Variants in SLC30A8 observed in about 807,000 individuals in gnomAD.
SLC30A8 encodes the protein proton-coupled zinc antiporter SLC30A8.
A neutral mutation model predicts 36.9 loss-of-function variants in SLC30A8; 27 were observed. That is an observed-to-expected ratio of 0.73 (90% CI 0.54 to 1.01). The LOEUF is 1.01. Among genes scored for constraint, SLC30A8 ranks in the 50% least tolerant of loss-of-function variants. The probability of loss-of-function intolerance (pLI) is 0.00; values close to 1 mark genes in which losing one functional copy is unlikely to be tolerated. For synonymous variants in SLC30A8, 164 were observed against 172.4 expected (o/e 0.95, Z 0.38); for missense variants, 439 against 452.0 (o/e 0.97, Z 0.26).
intron 2 of SLC30A8, among the ~76,000 whole-genome samples, chr8:117,149,310 GA>G (rs1822056717): frequency 6.6e-6 from 1 of 152,122 alleles, no homozygotes; most frequent in Non-Finnish European, 1.5e-5. Context: ...AGAGAAACAT[GA>G]TATGATCTTT....
intron 1 of SLC30A8, among the ~76,000 whole-genome samples, chr8:116,974,674 A>G (rs1228253050): frequency 6.6e-6 from 1 of 152,190 alleles, no homozygotes; most frequent in African/African-American, 2.4e-5. Context: ...TGACCCAGCC[A>G]TCCCATTACT....
intron 1 of SLC30A8, among the ~76,000 whole-genome samples, chr8:116,995,721 G>C (rs187418108): frequency 4.6e-5 from 7 of 152,046 alleles, no homozygotes; most frequent in African/African-American, 1.7e-4. Flanking sequence ...AGTGAAGTAT[G>C]TGGAGTCCTA....
chr8:117,103,900 T>A (rs1159324617), intron 2 of SLC30A8, among the ~76,000 whole-genome samples: 1 of 152,176 alleles, frequency 6.6e-6, no homozygotes, highest in Non-Finnish European at 1.5e-5. Context: ...GGCTTTTAGT[T>A]GTATAACATT....
intron 2 of SLC30A8, among the ~76,000 whole-genome samples, chr8:117,125,486 A>C (rs983151999): frequency 6.6e-6 from 1 of 151,842 alleles, no homozygotes; most frequent in African/African-American, 2.4e-5. Flanking sequence ...GTGAATGGAG[A>C]TGTGTATGGG....
rs540947301 is a variant in SLC30A8, at chr8:117,008,736, C to T, written c.-265-30483C>T. ...AAGGATCCTTTTACCTCAAGGCCCC[C>T]TTCTGCTTCAGGTCATGCTTTGTGT... On this transcript the variant is annotated intron_variant, in intron 1 of 10. Coordinates refer to the SLC30A8 transcript ENST00000427715. Among the ~76,000 whole-genome samples, 7 of 152,336 alleles carry T rather than the reference C, an allele frequency of 4.6e-5. No homozygotes were observed. In the East Asian group the frequency reaches 1.3e-3, roughly 29 times the overall value.
At position 116,990,403 on chromosome 8, in the gene SLC30A8, T is replaced by C. The variant is rs1586368347; in HGVS notation, c.-266+39284T>C. Reference sequence around the variant, plus strand: ...CCCAGTGATGATAGTTGCGTTGATATTATGTACTTTCCGATATCATGTAGC... The same window carrying C: ...CCCAGTGATGATAGTTGCGTTGATACTATGTACTTTCCGATATCATGTAGC... On this transcript the variant is annotated intron_variant, in intron 1 of 10. Transcript: ENST00000427715. Among the ~76,000 whole-genome samples the C allele has an allele frequency of 3.3e-5, 5 of 152,290 alleles. No individual in the cohort carries two copies. In the South Asian group the frequency reaches 1.0e-3, roughly 32 times the overall value.
intron 2 of SLC30A8, among the ~76,000 whole-genome samples, chr8:117,062,566 GC>G (rs899764214): frequency 1.3e-5 from 2 of 152,188 alleles, no homozygotes; most frequent in African/African-American, 4.8e-5. Flanking sequence ...CTCTCACCAG[GC>G]CCCACCTCAA....
chr8:117,087,795 T>C (rs970157102), intron 2 of SLC30A8, among the ~76,000 whole-genome samples: 1 of 152,216 alleles, frequency 6.6e-6, no homozygotes, highest in African/African-American at 2.4e-5. Flanking sequence ...TGCTTCTTTT[T>C]AATGTTTCCT....
intron 1 of SLC30A8, among the ~76,000 whole-genome samples, chr8:116,966,766 C>T (rs1357988514): frequency 6.6e-6 from 1 of 151,976 alleles, no homozygotes; most frequent in Non-Finnish European, 1.5e-5. Context: ...AGAAAATTAC[C>T]AGGGAAATAA....
At chr8:116,977,443 G>C (rs111782985) in intron 1 of SLC30A8, among the ~76,000 whole-genome samples, 1 of 150,754 alleles carries the variant, frequency 6.6e-6, no homozygotes, top group South Asian at 2.1e-4. Context: ...GTGAGCCACC[G>C]TGCCTGGCCT....
At chr8:117,100,275 AGTT>A (rs754083181) in intron 2 of SLC30A8, among the ~76,000 whole-genome samples, 106 of 152,318 alleles carry the variant, frequency 7.0e-4, no homozygotes, top group South Asian at 3.7e-3. Context: ...AAAGGATGTA[AGTT>A]GTTAAGTAGC....
intron 1 of SLC30A8, among the ~76,000 whole-genome samples, chr8:116,979,754 G>A (rs1815192095): frequency 6.6e-6 from 1 of 152,132 alleles, no homozygotes; most frequent in South Asian, 2.1e-4. Flanking sequence ...CCTGAAATAA[G>A]GCATTTGCAA....
At chr8:117,109,537 T>C (rs754419170) in intron 2 of SLC30A8, among the ~76,000 whole-genome samples, 3 of 152,008 alleles carry the variant, frequency 2.0e-5, no homozygotes, top group East Asian at 1.9e-4. Flanking sequence ...TCACTGCCAA[T>C]AGGAAAAAAA....
chr8:117,163,548 A>T lies in SLC30A8; in HGVS notation c.829+18A>T. 1 of 1,563,252 alleles carries T rather than the reference A, an allele frequency of 6.4e-7. No homozygotes were observed. The highest frequency in any genetic ancestry group is 8.8e-7 in the Non-Finnish European group (1 of 1,137,310). On this transcript the variant is annotated intron_variant, in intron 6 of 7. Transcript: ENST00000456015. ...CATGGAAGGTAGGAGTGATTTTATTATTACTCCCAGAGTCAGTGTTTTCTC... is the reference window on the plus strand; with the variant it reads ...CATGGAAGGTAGGAGTGATTTTATTTTTACTCCCAGAGTCAGTGTTTTCTC...
At chr8:116,957,356 C>T (rs746801375) in intron 1 of SLC30A8, among the ~76,000 whole-genome samples, 3 of 152,134 alleles carry the variant, frequency 2.0e-5, no homozygotes, top group South Asian at 2.1e-4. Context: ...CTGCAACCTC[C>T]GCCTCTTGGG....
chr8:117,006,331 G>A (rs535846736), intron 1 of SLC30A8, among the ~76,000 whole-genome samples: 1 of 152,274 alleles, frequency 6.6e-6, no homozygotes, highest in African/African-American at 2.4e-5. Flanking sequence ...ATTTCAGTGT[G>A]ATCCTATTGG....
At chr8:117,118,692 T>C (rs996473602) in intron 2 of SLC30A8, among the ~76,000 whole-genome samples, 2 of 151,902 alleles carry the variant, frequency 1.3e-5, no homozygotes, top group Non-Finnish European at 2.9e-5. Flanking sequence ...TATTAAAAAA[T>C]AGCCATTCCA....
intron 1 of SLC30A8, among the ~76,000 whole-genome samples, chr8:116,952,267 G>T (rs148338160): frequency 1.8e-4 from 27 of 152,222 alleles, no homozygotes; most frequent in African/African-American, 6.3e-4. Context: ...CCATGCTTTG[G>T]GGTTCAGACT....
chr8:117,080,763 T>C (rs1374923336), intron 2 of SLC30A8, among the ~76,000 whole-genome samples: 2 of 152,202 alleles, frequency 1.3e-5, no homozygotes, highest in Non-Finnish European at 2.9e-5. Flanking sequence ...TGATTCCATG[T>C]TTTTGCTGTT....
Sources: gnomAD v4.1 joint callset for allele counts (sites outside exome capture counted in the v4.1 genomes callset) on GRCh38, gnomAD v4.1.1 for gene constraint, MANE v1.5 for transcripts, NCBI Gene and HGNC (gene_info 2026-07-23, HGNC 2026-07-21) for gene names.